Variants in GREB1L observed in about 807,000 individuals in gnomAD.
The protein encoded by GREB1L is GREB1 like retinoic acid receptor coactivator.
A neutral mutation model predicts 200.8 loss-of-function variants in GREB1L; 17 were observed. That is an observed-to-expected ratio of 0.08 (90% CI 0.06 to 0.13). GREB1L has a LOEUF of 0.13. GREB1L is among the 10% of genes least tolerant of loss of function. The pLI is 1.00. For missense variants in GREB1L, 1,657 were observed against 2,367.7 expected, an observed-to-expected ratio of 0.70 and a Z score of 6.23; for synonymous variants, 789 against 893.0, an observed-to-expected ratio of 0.88 and a Z score of 2.08.
chr18:21,391,674 T>C (rs1301694808), intron 4 of GREB1L, among the ~76,000 whole-genome samples: 2 of 152,364 alleles, frequency 1.3e-5, no homozygotes, highest in African/African-American at 2.4e-5. Context: ...TCCTCAATCG[T>C]TGACTCACAA....
intron 1 of GREB1L, among the ~76,000 whole-genome samples, chr18:21,327,913 A>C (rs2039047812): frequency 6.6e-6 from 1 of 151,836 alleles, no homozygotes; most frequent in Admixed American, 6.6e-5. Context: ...ACGGGGTTTC[A>C]CCATGTTGGC....
At chr18:21,341,398 T>C (rs1206929120) in intron 1 of GREB1L, among the ~76,000 whole-genome samples, 1 of 152,196 alleles carries the variant, frequency 6.6e-6, no homozygotes, top group Non-Finnish European at 1.5e-5. Context: ...AGCCACAAGC[T>C]TCTTGATTTC....
intron 15 of GREB1L, among the ~76,000 whole-genome samples, chr18:21,458,248 G>A (rs368052447): frequency 1.3e-5 from 2 of 152,156 alleles, no homozygotes; most frequent in Non-Finnish European, 2.9e-5. Context: ...TGGGATTACA[G>A]GTGTGAGCCA....
intron 28 of GREB1L, among the ~76,000 whole-genome samples, chr18:21,514,528 TA>T (rs745703344): frequency 1.8e-4 from 28 of 152,150 alleles, no homozygotes; most frequent in East Asian, 3.9e-4. Flanking sequence ...AAAACAAAAA[TA>T]AAGTCTGTTG....
intron 1 of GREB1L, among the ~76,000 whole-genome samples, chr18:21,250,799 T>A (rs1405157132): frequency 6.6e-6 from 1 of 152,226 alleles, no homozygotes; most frequent in East Asian, 1.9e-4. Context: ...CAGTCTGTTC[T>A]ATTTTTTGGA....
At chr18:21,458,049 A>G (rs1167889249) in intron 15 of GREB1L, among the ~76,000 whole-genome samples, 1 of 149,310 alleles carries the variant, frequency 6.7e-6, no homozygotes, top group Admixed American at 6.7e-5. Context: ...GCTCACCACA[A>G]CCTCCACCTC....
chr18:21,307,844 A>G (rs2038727158), intron 1 of GREB1L, among the ~76,000 whole-genome samples: 1 of 152,164 alleles, frequency 6.6e-6, no homozygotes, highest in African/African-American at 2.4e-5. Context: ...ACCTAAGGTC[A>G]TGGTTCTTCC....
chr18:21,365,563 T>C (rs117153482), intron 1 of GREB1L, among the ~76,000 whole-genome samples: 94 of 152,302 alleles, frequency 6.2e-4, no homozygotes, highest in Non-Finnish European at 8.1e-4. Flanking sequence ...TTTCAATCAA[T>C]AGTAATTATG....
rs1406922910 is a variant in GREB1L at position 21,523,813 on chromosome 18, G to A, written c.*992G>A. The stretch of plus-strand genomic sequence containing the variant: ...ACCACCTTACACTGACAACGCCACA[G>A]AAATTGCCGAATTGGGAAATTGAGC... On this transcript the variant is annotated 3_prime_UTR_variant, in exon 33 of 33. Transcript: ENST00000424526. The A allele has an allele frequency of 6.6e-6, 1 of 152,182 alleles. No homozygotes were observed. The highest frequency in any genetic ancestry group is 1.5e-5 in the Non-Finnish European group (1 of 68,032). The allele number at this position is 152,182 out of a possible 1,614,324, so 9.4% of individuals were successfully genotyped here. A position where few individuals can be genotyped will look rare whatever the true frequency, so the allele number is the denominator to read the frequency against.
intron 7 of GREB1L, among the ~76,000 whole-genome samples, chr18:21,418,148 C>T (rs1055937955): frequency 1.3e-5 from 2 of 151,846 alleles, no homozygotes; most frequent in African/African-American, 4.8e-5. Context: ...TGACAATAGT[C>T]TAAAGGCCAG....
At chr18:21,497,593 A>G (rs1352560135) in intron 21 of GREB1L, among the ~76,000 whole-genome samples, 2 of 151,652 alleles carry the variant, frequency 1.3e-5, no homozygotes, top group African/African-American at 4.8e-5. Flanking sequence ...GCAGTGAGCC[A>G]AGATCGCACC....
intron 7 of GREB1L, chr18:21,434,814 T>A (rs1261244747): frequency 6.6e-6 from 1 of 152,408 alleles, no homozygotes; most frequent in Non-Finnish European, 1.5e-5. Context: ...GAAATGGACT[T>A]TTTAAAATGT....
chr18:21,453,052 A>T (rs2034599641), intron 14 of GREB1L, among the ~76,000 whole-genome samples: 1 of 152,238 alleles, frequency 6.6e-6, no homozygotes, highest in Non-Finnish European at 1.5e-5. Context: ...GATCCGGATG[A>T]TCTAAAATGT....
At chr18:21,351,401 C>T (rs1211095700) in intron 1 of GREB1L, among the ~76,000 whole-genome samples, 7 of 152,002 alleles carry the variant, frequency 4.6e-5, no homozygotes, top group Admixed American at 2.6e-4. Flanking sequence ...AGTGAAACCC[C>T]GTCTCTACTA....
chr18:21,252,674 C>T (rs1471559213), intron 1 of GREB1L, among the ~76,000 whole-genome samples: 2 of 151,922 alleles, frequency 1.3e-5, no homozygotes, highest in Non-Finnish European at 2.9e-5. Context: ...TCAAAACCAG[C>T]CTGGCCAACA....
Position 21,375,527 on chromosome 18 carries a change from C to G in GREB1L, c.-9-7983C>G, listed in dbSNP as rs2040037511. Reference sequence around the variant, plus strand: ...AGATGAGGCCACATCAGCAAACAAACATTTTCTTTTCTGATTTTTTTCTTT... The same window carrying G: ...AGATGAGGCCACATCAGCAAACAAAGATTTTCTTTTCTGATTTTTTTCTTT... On this transcript the variant is annotated intron_variant, in intron 2 of 32. Coordinates refer to ENST00000424526, the MANE Select transcript of GREB1L (RefSeq NM_001142966.3). Among the ~76,000 whole-genome samples the G allele has an allele frequency of 2.0e-5, 3 of 152,162 alleles. No individual in the cohort carries two copies. The South Asian group carries it at 6.2e-4, about 32-fold the overall frequency.
intron 19 of GREB1L, among the ~76,000 whole-genome samples, chr18:21,490,953 AGTGCAT>A (rs1218422427): frequency 1.3e-5 from 2 of 152,156 alleles, no homozygotes; most frequent in Admixed American, 1.3e-4. Context: ...AGAAGAATTT[AGTGCAT>A]GACTGAGTCC....
intron 10 of GREB1L, 107 bp from the exon 11 acceptor site, chr18:21,444,117 A>G: frequency 1.4e-6 from 1 of 691,546 alleles, no homozygotes; most frequent in Non-Finnish European, 2.4e-6. Context: ...GCTATCTCAG[A>G]GGGCAGGGAA....
intron 7 of GREB1L, among the ~76,000 whole-genome samples, chr18:21,405,954 A>G (rs750921494): frequency 6.6e-6 from 1 of 152,000 alleles, no homozygotes; most frequent in Non-Finnish European, 1.5e-5. Flanking sequence ...CAACATAGTG[A>G]AACCCCATCT....
Sources: gnomAD v4.1 joint callset for allele counts (sites outside exome capture counted in the v4.1 genomes callset) on GRCh38, gnomAD v4.1.1 for gene constraint, MANE v1.5 for transcripts, NCBI Gene and HGNC (gene_info 2026-07-23, HGNC 2026-07-21) for gene names.